Variants in GRIN2A observed in about 807,000 individuals in gnomAD.
GRIN2A encodes glutamate receptor ionotropic, NMDA 2A.
Under a neutral mutation model 113.4 loss-of-function variants are expected in GRIN2A, and 22 were observed. The observed-to-expected ratio is 0.19, with a 90% CI of 0.14 to 0.28. The LOEUF (loss-of-function observed/expected upper bound fraction) is 0.28. Ranked by LOEUF, GRIN2A falls within the 10% of genes least tolerant of loss-of-function variation. The pLI is 1.00. For synonymous variants in GRIN2A, 827 were observed against 738.4 expected, an observed-to-expected ratio of 1.12 and a Z score of -1.94; for missense variants, 1,502 against 1,887.0, an observed-to-expected ratio of 0.80 and a Z score of 3.78.
chr16:9,913,094 A>G (rs915413449), intron 3 of GRIN2A, among the ~76,000 whole-genome samples: 4 of 152,246 alleles, frequency 2.6e-5, no homozygotes, highest in African/African-American at 4.8e-5. Context: ...CTGATAGCTT[A>G]AAGTGTCAGC....
At chr16:9,826,400 T>C (rs757405322) in intron 9 of GRIN2A, among the ~76,000 whole-genome samples, 39 of 152,336 alleles carry the variant, frequency 2.6e-4, no homozygotes, top group Non-Finnish European at 1.9e-4. Context: ...ATTCACCTAT[T>C]TATAATTTAA....
chr16:9,895,397 G>C (rs549350060), intron 3 of GRIN2A, among the ~76,000 whole-genome samples: 1 of 152,318 alleles, frequency 6.6e-6, no homozygotes, highest in South Asian at 2.1e-4. Context: ...TTCACAATAA[G>C]TTGGGGGCAA....
At chr16:10,160,375 A>G (rs1039286290) in intron 2 of GRIN2A, among the ~76,000 whole-genome samples, 3 of 152,222 alleles carry the variant, frequency 2.0e-5, no homozygotes, top group Non-Finnish European at 4.4e-5. Flanking sequence ...TGAACTGTGG[A>G]TGGGTTGTAG....
chr16:10,140,165 G>T (rs1241029207), intron 2 of GRIN2A, among the ~76,000 whole-genome samples: 1 of 152,132 alleles, frequency 6.6e-6, no homozygotes, highest in Admixed American at 6.5e-5. Flanking sequence ...GTTACCTTAT[G>T]TTCTGTTGAT....
intron 4 of GRIN2A, 43 bp from the exon 5 acceptor site, chr16:9,850,004 G>A (rs1192329517): frequency 1.9e-6 from 3 of 1,538,660 alleles, no homozygotes; most frequent in Non-Finnish European, 2.7e-6. Context: ...TTCTTCCGCC[G>A]CTGATTTCTG....
intron 2 of GRIN2A, among the ~76,000 whole-genome samples, chr16:10,051,869 G>T (rs565562174): frequency 1.3e-5 from 2 of 152,316 alleles, no homozygotes; most frequent in Admixed American, 1.3e-4. Flanking sequence ...TTAAGCAGAA[G>T]GGTAATGGGA....
intron 11 of GRIN2A, among the ~76,000 whole-genome samples, chr16:9,792,983 A>C (rs953328957): frequency 6.6e-6 from 1 of 152,212 alleles, no homozygotes; most frequent in African/African-American, 2.4e-5. Context: ...GCAGCTTGTT[A>C]GAAATGCTGG....
intron 2 of GRIN2A, among the ~76,000 whole-genome samples, chr16:10,019,282 T>C (rs565739608): frequency 6.6e-6 from 1 of 152,228 alleles, no homozygotes; most frequent in Admixed American, 6.5e-5. Context: ...AAGCATTTGA[T>C]ACATGAAAGC....
intron 2 of GRIN2A, among the ~76,000 whole-genome samples, chr16:9,966,856 T>C (rs187389403): frequency 1.3e-5 from 2 of 152,320 alleles, no homozygotes; most frequent in Admixed American, 1.3e-4. Flanking sequence ...GTGCATATTT[T>C]GGCCCTATCT....
chr16:10,132,637 C>T (rs562528445), intron 2 of GRIN2A, among the ~76,000 whole-genome samples: 1 of 152,340 alleles, frequency 6.6e-6, no homozygotes, highest in South Asian at 2.1e-4. Context: ...CTAACTAGAT[C>T]TGTCATTTTA....
intron 2 of GRIN2A, among the ~76,000 whole-genome samples, chr16:10,045,255 T>C (rs2047237837): frequency 6.6e-6 from 1 of 152,202 alleles, no homozygotes; most frequent in Admixed American, 6.5e-5. Flanking sequence ...TGCCAAGCAC[T>C]ATTGTTAATA....
intron 2 of GRIN2A, among the ~76,000 whole-genome samples, chr16:10,152,208 C>T (rs540229368): frequency 1.3e-5 from 2 of 152,250 alleles, no homozygotes; most frequent in South Asian, 2.1e-4. Context: ...GTGGCTAGTG[C>T]CATTTCCATT....
intron 2 of GRIN2A, among the ~76,000 whole-genome samples, chr16:9,997,123 A>G (rs1369441449): frequency 6.6e-6 from 1 of 152,228 alleles, no homozygotes; most frequent in Non-Finnish European, 1.5e-5. Context: ...CAAAATCGAA[A>G]CACTGATTGC....
chr16:10,127,039 G>A lies in GRIN2A; in HGVS notation c.414+52959C>T, dbSNP rs144783350. Among the ~76,000 whole-genome samples, 328 of 152,258 alleles carry A rather than the reference G, an allele frequency of 2.2e-3. 1 individual carries two copies. Among genetic ancestry groups the A allele is most frequent in the Admixed American group, 4.5e-3 (69 of 15,294 alleles). ...TTGCCCTATCCAACTGCTTTCATTAGCTCCATTCTTTTTAGTCTAAAAGCC... is the reference window on the plus strand; with the variant it reads ...TTGCCCTATCCAACTGCTTTCATTAACTCCATTCTTTTTAGTCTAAAAGCC... On this transcript the variant is annotated intron_variant, in intron 2 of 12. Transcript: ENST00000330684.
chr16:10,129,118 C>T (rs2049009302), intron 2 of GRIN2A, among the ~76,000 whole-genome samples: 1 of 152,228 alleles, frequency 6.6e-6, no homozygotes, highest in African/African-American at 2.4e-5. Context: ...CTCTGTTGCC[C>T]AGGCTGGAAT....
intron 2 of GRIN2A, among the ~76,000 whole-genome samples, chr16:9,964,522 G>A (rs1159789635): frequency 6.6e-6 from 1 of 152,130 alleles, no homozygotes; most frequent in African/African-American, 2.4e-5. Context: ...TGTGAAATGG[G>A]TCTCGCTGGA....
At chr16:10,131,389 T>A (rs1477023270) in intron 2 of GRIN2A, among the ~76,000 whole-genome samples, 1 of 151,646 alleles carries the variant, frequency 6.6e-6, no homozygotes, top group Non-Finnish European at 1.5e-5. Context: ...CGGGGGGAAA[T>A]TCATCGGGAA....
chr16:10,147,253 C>T (rs746532878), intron 2 of GRIN2A, among the ~76,000 whole-genome samples: 1 of 151,850 alleles, frequency 6.6e-6, no homozygotes, highest in African/African-American at 2.4e-5. Flanking sequence ...AATTGTCTGG[C>T]CCATAACGTC....
intron 2 of GRIN2A, among the ~76,000 whole-genome samples, chr16:10,002,811 A>C (rs2141846612): frequency 6.6e-6 from 1 of 152,294 alleles, no homozygotes; most frequent in Admixed American, 6.5e-5. Flanking sequence ...ACAGTTGGTA[A>C]ACCATGCACA....
Sources: gnomAD v4.1 joint callset for allele counts (sites outside exome capture counted in the v4.1 genomes callset) on GRCh38, gnomAD v4.1.1 for gene constraint, MANE v1.5 for transcripts, NCBI Gene and HGNC (gene_info 2026-07-23, HGNC 2026-07-21) for gene names.